Variants in RHOG observed in about 807,000 individuals in gnomAD.
RHOG encodes the protein ras homolog family member G.
A neutral mutation model predicts 12.3 loss-of-function variants in RHOG; 1 was observed. The observed-to-expected ratio is 0.08, with a 90% CI of 0.03 to 0.39. The LOEUF (loss-of-function observed/expected upper bound fraction) is 0.39, where lower values mean the gene tolerates loss of function less well. Among genes scored for constraint, RHOG ranks in the 10% least tolerant of loss-of-function variants. The pLI, the probability that RHOG is intolerant of heterozygous loss-of-function variation, is 0.99. For missense variants in RHOG, 114 were observed against 266.2 expected, an observed-to-expected ratio of 0.43 and a Z score of 3.98; for synonymous variants, 129 against 116.0, an observed-to-expected ratio of 1.11 and a Z score of -0.72.
At chr11:3,829,632 A>T (rs2090114099) in intron 1 of RHOG, among the ~76,000 whole-genome samples, 1 of 152,068 alleles carries the variant, frequency 6.6e-6, no homozygotes, top group African/African-American at 2.4e-5. Context: ...GGAATACTGG[A>T]GATTCAGTTG....
At chr11:3,836,001 C>G (rs2090153413) in intron 1 of RHOG, among the ~76,000 whole-genome samples, 1 of 151,746 alleles carries the variant, frequency 6.6e-6, no homozygotes, top group African/African-American at 2.4e-5. Context: ...CTCTTTCTTC[C>G]CTTTCTCCCC....
At chr11:3,838,508 T>C (rs898479523) in intron 1 of RHOG, among the ~76,000 whole-genome samples, 4 of 123,960 alleles carry the variant, frequency 3.2e-5, no homozygotes, top group Middle Eastern at 4.5e-3. Context: ...CACATCCTTC[T>C]CTAACCTGGG....
intron 1 of RHOG, 89 bp from the exon 2 acceptor site, chr11:3,828,295 T>C (rs1317412971): frequency 1.5e-6 from 1 of 648,888 alleles, no homozygotes; most frequent in African/African-American, 1.8e-5. Context: ...GGAAACCGGC[T>C]CCTGTTCCCT....
chr11:3,832,749 C>G (rs2090137990), intron 1 of RHOG, among the ~76,000 whole-genome samples: 2 of 152,124 alleles, frequency 1.3e-5, no homozygotes, highest in African/African-American at 4.8e-5. Flanking sequence ...AATAAGTTAC[C>G]ATAGCCCATT....
At chr11:3,834,322 G>A (rs952484203) in intron 1 of RHOG, among the ~76,000 whole-genome samples, 1 of 152,130 alleles carries the variant, frequency 6.6e-6, no homozygotes, top group East Asian at 1.9e-4. Context: ...CTGAAGCCTT[G>A]GCTTCTCTGG....
chr11:3,837,628 A>C (rs911350258), intron 1 of RHOG, among the ~76,000 whole-genome samples: 1 of 152,208 alleles, frequency 6.6e-6, no homozygotes, highest in Non-Finnish European at 1.5e-5. Flanking sequence ...CCAGGTAGCA[A>C]ATCTACGACA....
At chr11:3,828,842 G>C (rs113197935) in intron 1 of RHOG, among the ~76,000 whole-genome samples, 1,936 of 151,784 alleles carry the variant, frequency 0.013, 36 homozygotes, top group African/African-American at 0.041. Context: ...GGATGGTCTC[G>C]ATCTCCTGAC....
At chr11:3,835,418 C>A (rs762511223) in intron 1 of RHOG, among the ~76,000 whole-genome samples, 10 of 152,132 alleles carry the variant, frequency 6.6e-5, no homozygotes, top group African/African-American at 9.7e-5. Context: ...TTGTGCTGAA[C>A]TAACTGGATG....
Position 3,833,701 on chromosome 11 carries a change from G to A in RHOG, c.-68-5495C>T, listed in dbSNP as rs745774568. Among the ~76,000 whole-genome samples, 10 of 152,176 alleles carry A rather than the reference G, an allele frequency of 6.6e-5. 1 individual carries two copies. The highest frequency in any genetic ancestry group is 1.5e-4 in the Non-Finnish European group (10 of 68,038). ...CATAGCACTGTTATAAGGACTAAGT[G>A]CATTAATGTATAATATGTGCACAAT... On this transcript the variant is annotated intron_variant, in intron 1 of 1. Transcript: ENST00000351018.
intron 1 of RHOG, among the ~76,000 whole-genome samples, chr11:3,835,207 T>G (rs954649093): frequency 1.1e-4 from 17 of 152,110 alleles, no homozygotes; most frequent in Non-Finnish European, 1.8e-4. Context: ...GAGCACACCA[T>G]GTAGTAGCTG....
chr11:3,827,424 CT>C lies in RHOG; in HGVS notation c.*138del, dbSNP rs2090086135. ...AGGCCTCCTTAAGGAGAAAAAGGCA[CT>C]CAGAGAAAAAGGCATTCAGGGAACC... On this transcript the variant is annotated 3_prime_UTR_variant, in exon 2 of 2. Coordinates refer to ENST00000351018, the MANE Select transcript of RHOG (RefSeq NM_001665.4). This position sits in a 1 kb window ranked among gnomAD's most constrained non-coding sequence, Gnocchi z 7.3. 1.5e-6 allele frequency: 1 copy of C among 682,228 alleles called. No individual in the cohort carries two copies. Among genetic ancestry groups the C allele is most frequent in the Non-Finnish European group, 2.4e-6 (1 of 408,648 alleles). The allele number at this position is 682,228 out of a possible 1,614,324, so 42.3% of individuals were successfully genotyped here. A position where few individuals can be genotyped will look rare whatever the true frequency, so the allele number is the denominator to read the frequency against.
At chr11:3,835,573 GAAGACAC>G (rs1752745222) in intron 1 of RHOG, among the ~76,000 whole-genome samples, 1 of 152,162 alleles carries the variant, frequency 6.6e-6, no homozygotes, top group African/African-American at 2.4e-5. Flanking sequence ...TCTAGGACCA[GAAGACAC>G]AAGACATAAG....
chr11:3,828,680 G>T (rs1197494318), intron 1 of RHOG, among the ~76,000 whole-genome samples: 1 of 145,018 alleles, frequency 6.9e-6, no homozygotes, highest in African/African-American at 2.6e-5. Context: ...CTGGAGTGCA[G>T]TGGCGTCATC....
At chr11:3,833,120 T>G (rs898349132) in intron 1 of RHOG, among the ~76,000 whole-genome samples, 4 of 152,196 alleles carry the variant, frequency 2.6e-5, no homozygotes, top group African/African-American at 7.2e-5. Context: ...TTTTTTCTTT[T>G]GGAGCAAGGT....
intron 1 of RHOG, chr11:3,840,636 C>T (rs2090187297): frequency 6.6e-6 from 1 of 152,212 alleles, no homozygotes; most frequent in Admixed American, 6.5e-5. Flanking sequence ...CGGGACCCTC[C>T]GACCTCAGGG....
intron 1 of RHOG, 145 bp from the exon 2 acceptor site, chr11:3,828,351 GAC>G (rs2090102042): frequency 1.7e-6 from 1 of 586,824 alleles, no homozygotes; most frequent in African/African-American, 1.9e-5. Flanking sequence ...TCATCAGAAA[GAC>G]ACACAATGAA....
chr11:3,838,662 C>T (rs1435706175), intron 1 of RHOG, among the ~76,000 whole-genome samples: 1 of 152,116 alleles, frequency 6.6e-6, no homozygotes, highest in African/African-American at 2.4e-5. Flanking sequence ...GGGAAGATGA[C>T]AGAATGGGGA....
intron 1 of RHOG, among the ~76,000 whole-genome samples, chr11:3,838,591 A>G (rs2135142506): frequency 6.6e-6 from 1 of 152,318 alleles, no homozygotes; most frequent in Middle Eastern, 3.4e-3. Context: ...AAGAGAGACA[A>G]GTGGTTGGAA....
At chr11:3,833,288 T>C (rs1341523454) in intron 1 of RHOG, among the ~76,000 whole-genome samples, 2 of 152,106 alleles carry the variant, frequency 1.3e-5, no homozygotes, top group Non-Finnish European at 2.9e-5. Flanking sequence ...TTAATGCATC[T>C]TTTTGTTTGT....
Sources: gnomAD v4.1 joint callset for allele counts (sites outside exome capture counted in the v4.1 genomes callset) on GRCh38, gnomAD v4.1.1 for gene constraint, Gnocchi (gnomAD v3.1) non-coding constraint, MANE v1.5 for transcripts, NCBI Gene and HGNC (gene_info 2026-07-23, HGNC 2026-07-21) for gene names.